Variants in PTPN14 observed in about 807,000 individuals in gnomAD.
The protein encoded by PTPN14 is tyrosine-protein phosphatase non-receptor type 14.
A neutral mutation model predicts 126.8 loss-of-function variants in PTPN14; 53 were observed. The observed-to-expected ratio is 0.42, with a 90% CI of 0.34 to 0.53. The LOEUF is 0.53. Among genes scored for constraint, PTPN14 ranks in the 20% least tolerant of loss-of-function variants. The probability of loss-of-function intolerance (pLI) is 0.08; values close to 1 mark genes in which losing one functional copy is unlikely to be tolerated. For synonymous variants in PTPN14, 630 were observed against 599.3 expected (o/e 1.05, Z -0.75); for missense variants, 1,257 against 1,552.9 (o/e 0.81, Z 3.20).
intron 3 of PTPN14, among the ~76,000 whole-genome samples, chr1:214,432,504 C>A (rs1378824000): frequency 6.6e-6 from 1 of 152,130 alleles, no homozygotes; most frequent in Middle Eastern, 3.2e-3. Context: ...AAGACATGTA[C>A]TAGAAATGTT....
intron 13 of PTPN14, among the ~76,000 whole-genome samples, chr1:214,378,529 A>G (rs189869412): frequency 2.7e-4 from 41 of 152,320 alleles, no homozygotes; most frequent in Non-Finnish European, 5.9e-4. Context: ...ACGGAGCAAA[A>G]CTTGTAAAAC....
At chr1:214,461,204 TTAA>T (rs1309547416) in intron 2 of PTPN14, among the ~76,000 whole-genome samples, 1 of 152,132 alleles carries the variant, frequency 6.6e-6, no homozygotes, top group East Asian at 1.9e-4. Context: ...AATAAAAAAT[TTAA>T]TAAAAAAATT....
intron 1 of PTPN14, among the ~76,000 whole-genome samples, chr1:214,543,067 T>G (rs1655881144): frequency 6.6e-6 from 1 of 152,202 alleles, no homozygotes; most frequent in Non-Finnish European, 1.5e-5. Context: ...TGCCTTGACA[T>G]GGTGTCATAG....
chr1:214,472,516 A>G (rs1177497934), intron 1 of PTPN14, among the ~76,000 whole-genome samples: 1 of 152,214 alleles, frequency 6.6e-6, no homozygotes, highest in Non-Finnish European at 1.5e-5. Context: ...CCATGCAAGA[A>G]CAGACTAACA....
Position 214,401,789 on chromosome 1 carries a change from A to G in PTPN14, c.582-17T>C, listed in dbSNP as rs1659024730. 1 of 1,539,474 alleles carries G rather than the reference A, an allele frequency of 6.5e-7. No homozygotes were observed. The highest frequency in any genetic ancestry group is 9.0e-7 in the Non-Finnish European group (1 of 1,115,108). ...AGGATTCCACTAAAATCAAAATAGC[A>G]TCAAAGGAAGAAATGGTTAAGGGCA... On this transcript the variant is annotated splice_polypyrimidine_tract_variant and intron_variant, in intron 6 of 18. Coordinates refer to ENST00000366956, the MANE Select transcript of PTPN14 (RefSeq NM_005401.5).
rs945178305 is a variant in PTPN14 at position 214,355,371 on chromosome 1, C to A, written c.*2551G>T. The A allele has an allele frequency of 6.6e-6, 1 of 152,152 alleles. No individual in the cohort carries two copies. Among genetic ancestry groups the A allele is most frequent in the East Asian group, 1.9e-4 (1 of 5,192 alleles). 9.4% of individuals were successfully genotyped at this position (152,152 alleles called of 1,614,324 possible). ...AGATAAATACTGATGTTGTTCATCA[C>A]GCAATAAACCAGTAACTGAGACCAC... On this transcript the variant is annotated 3_prime_UTR_variant, in exon 19 of 19. Transcript: ENST00000366956.
intron 11 of PTPN14, among the ~76,000 whole-genome samples, chr1:214,388,443 A>C (rs1658674308): frequency 6.6e-6 from 1 of 151,226 alleles, no homozygotes; most frequent in South Asian, 2.1e-4. Flanking sequence ...GTCTCACTCT[A>C]TTGCCCAGGC....
chr1:214,547,911 A>G lies in PTPN14; in HGVS notation c.-155+3272T>C, dbSNP rs548060074. 2.6e-3 allele frequency among the ~76,000 whole-genome samples: 313 copies of G among 118,924 alleles called. 10 individuals carry two copies. Among genetic ancestry groups the G allele is most frequent in the Admixed American group, 0.019 (258 of 13,452 alleles). The allele number at this position is 118,924 out of a possible 152,430, so 78.0% of individuals were successfully genotyped here. On this transcript the variant is annotated intron_variant, in intron 1 of 18. Transcript: ENST00000366956. ...ATGTTTATTTTGAGCCAATAGACTG[A>G]AAAAAAAAAAAAAGTCAAAAACAAA...
intron 3 of PTPN14, among the ~76,000 whole-genome samples, chr1:214,449,235 T>C (rs1202607917): frequency 2.0e-5 from 3 of 151,930 alleles, no homozygotes; most frequent in African/African-American, 4.8e-5. Flanking sequence ...CTCGATCTCC[T>C]GACCTCGTGA....
At chr1:214,487,381 G>A (rs992465085) in intron 1 of PTPN14, among the ~76,000 whole-genome samples, 4 of 152,090 alleles carry the variant, frequency 2.6e-5, no homozygotes, top group Admixed American at 6.6e-5. Flanking sequence ...ATCCCAGCAT[G>A]TTGGGAGGCT....
intron 1 of PTPN14, among the ~76,000 whole-genome samples, chr1:214,490,118 CAA>C (rs1661198130): frequency 1.3e-5 from 2 of 152,222 alleles, no homozygotes; most frequent in Admixed American, 1.3e-4. Context: ...TGAGCAAGTA[CAA>C]AGTCACTCCT....
intron 13 of PTPN14, among the ~76,000 whole-genome samples, chr1:214,380,961 G>A (rs1024409728): frequency 2.6e-5 from 4 of 151,984 alleles, no homozygotes; most frequent in Non-Finnish European, 5.9e-5. Flanking sequence ...GAGTGTAGCA[G>A]ATTTGGGGGA....
At chr1:214,377,598 G>A (rs999309214) in intron 14 of PTPN14, among the ~76,000 whole-genome samples, 2 of 152,108 alleles carry the variant, frequency 1.3e-5, no homozygotes, top group Non-Finnish European at 2.9e-5. Flanking sequence ...AGTGGCAATT[G>A]CTCACAAAAA....
intron 3 of PTPN14, among the ~76,000 whole-genome samples, chr1:214,425,160 C>T (rs193235546): frequency 1.5e-3 from 224 of 152,264 alleles, no homozygotes; most frequent in African/African-American, 5.1e-3. Flanking sequence ...GGAACCACCT[C>T]TCTCTATTCT....
intron 5 of PTPN14, among the ~76,000 whole-genome samples, chr1:214,407,561 C>T (rs570612812): frequency 2.0e-5 from 3 of 151,930 alleles, no homozygotes; most frequent in African/African-American, 4.8e-5. Flanking sequence ...TATTCCCTAA[C>T]CATTAAGACC....
rs1657723315 is a variant in PTPN14 at position 214,352,356 on chromosome 1, G to C, written c.*5566C>G. 6.6e-6 allele frequency: 1 copy of C among 152,196 alleles called. No homozygotes were observed. Among genetic ancestry groups the C allele is most frequent in the Non-Finnish European group, 1.5e-5 (1 of 68,034 alleles). The allele number at this position is 152,196 out of a possible 1,614,324, so 9.4% of individuals were successfully genotyped here. On this transcript the variant is annotated 3_prime_UTR_variant, in exon 19 of 19. Transcript: ENST00000366956. Reference sequence around the variant, plus strand: ...ACTGAATAAAAATACTTACCTATCTGAGTTTCTAACAGAAACACAAAAGCT... The same window carrying C: ...ACTGAATAAAAATACTTACCTATCTCAGTTTCTAACAGAAACACAAAAGCT...
chr1:214,516,098 A>G (rs1393370249), intron 1 of PTPN14, among the ~76,000 whole-genome samples: 1 of 152,168 alleles, frequency 6.6e-6, no homozygotes, highest in Non-Finnish European at 1.5e-5. Flanking sequence ...ACCCCAGAGG[A>G]GCTAGATTAA....
In PTPN14 at chr1:214,387,640, C is replaced by T. The variant is rs181459063; in HGVS notation, c.988-718G>A. On this transcript the variant is annotated intron_variant, in intron 11 of 18. Transcript: ENST00000366956. ...TTGCAGTAAGCCAAGATCATGCTAC[C>T]GCACTCCAGCCTGGCGACAGAGCAA... is the stretch of plus-strand genomic sequence containing the variant. 5.5e-3 allele frequency among the ~76,000 whole-genome samples: 821 copies of T among 149,164 alleles called. 3 individuals carry two copies. Among genetic ancestry groups the T allele is most frequent in the Non-Finnish European group, 8.9e-3 (603 of 67,548 alleles).
intron 1 of PTPN14, among the ~76,000 whole-genome samples, chr1:214,476,370 C>T (rs1660868282): frequency 6.6e-6 from 1 of 152,230 alleles, no homozygotes; most frequent in African/African-American, 2.4e-5. Flanking sequence ...GCTTGCTTCG[C>T]TCTTTTCCGG....
Sources: gnomAD v4.1 joint callset for allele counts (sites outside exome capture counted in the v4.1 genomes callset) on GRCh38, gnomAD v4.1.1 for gene constraint, MANE v1.5 for transcripts, NCBI Gene and HGNC (gene_info 2026-07-23, HGNC 2026-07-21) for gene names.